SLIT2: variants seen among roughly 807,000 people sequenced by gnomAD.
The protein encoded by SLIT2 is slit homolog 2 protein.
In SLIT2, 41 loss-of-function variants were observed where a neutral mutation model predicts 185.7. That is an observed-to-expected ratio of 0.22 (90% CI 0.17 to 0.29). The LOEUF (loss-of-function observed/expected upper bound fraction) is 0.29. SLIT2 is among the 10% of genes least tolerant of loss of function. The pLI is 1.00. For synonymous variants in SLIT2, 693 were observed against 680.2 expected, an observed-to-expected ratio of 1.02 and a Z score of -0.29; for missense variants, 1,571 against 1,909.0, an observed-to-expected ratio of 0.82 and a Z score of 3.30.
At chr4:20,436,716 C>A (rs915892920) in intron 4 of SLIT2, among the ~76,000 whole-genome samples, 4 of 152,200 alleles carry the variant, frequency 2.6e-5, no homozygotes, top group African/African-American at 9.6e-5. Context: ...TAGTTGATGA[C>A]TGCTTTCAAG....
intron 4 of SLIT2, among the ~76,000 whole-genome samples, chr4:20,432,423 G>A (rs1729064540): frequency 6.6e-6 from 1 of 151,956 alleles, no homozygotes; most frequent in Non-Finnish European, 1.5e-5. Flanking sequence ...GTCAGAAAAT[G>A]TGTGGGAAAT....
chr4:20,530,047 G>C (rs973988864), intron 16 of SLIT2, among the ~76,000 whole-genome samples: 3 of 151,460 alleles, frequency 2.0e-5, no homozygotes, highest in Non-Finnish European at 4.4e-5. Flanking sequence ...TAAAAATAAA[G>C]TAATGCCTTT....
chr4:20,422,855 G>A (rs1728268748), intron 4 of SLIT2, among the ~76,000 whole-genome samples: 2 of 151,784 alleles, frequency 1.3e-5, no homozygotes, highest in African/African-American at 4.8e-5. Context: ...TGAAGTGGAT[G>A]TGCAGAATAC....
intron 4 of SLIT2, among the ~76,000 whole-genome samples, chr4:20,438,130 A>G (rs1007558163): frequency 5.9e-5 from 9 of 151,990 alleles, no homozygotes; most frequent in African/African-American, 1.9e-4. Flanking sequence ...TCTACTTCCA[A>G]TTTACCTCCC....
chr4:20,607,922 A>G (rs1396995393), intron 33 of SLIT2, among the ~76,000 whole-genome samples: 1 of 152,114 alleles, frequency 6.6e-6, no homozygotes, highest in African/African-American at 2.4e-5. Flanking sequence ...TCTTTATTTT[A>G]ATGTTTTACT....
At chr4:20,376,049 CAT>C (rs1723989627) in intron 4 of SLIT2, among the ~76,000 whole-genome samples, 1 of 140,432 alleles carries the variant, frequency 7.1e-6, no homozygotes, top group African/African-American at 2.6e-5. Flanking sequence ...ACATAAATAA[CAT>C]ATCTATAAAA....
chr4:20,266,929 G>A (rs1342913174), intron 3 of SLIT2, among the ~76,000 whole-genome samples: 2 of 151,944 alleles, frequency 1.3e-5, no homozygotes, highest in Non-Finnish European at 2.9e-5. Flanking sequence ...GGGCCCAGGG[G>A]CTTGCCGAGA....
At chr4:20,600,344 T>C (rs1382377093) in intron 33 of SLIT2, among the ~76,000 whole-genome samples, 3 of 152,032 alleles carry the variant, frequency 2.0e-5, no homozygotes, top group Non-Finnish European at 4.4e-5. Context: ...GAGTTTATGT[T>C]CATTGCCATT....
intron 26 of SLIT2, among the ~76,000 whole-genome samples, chr4:20,556,131 T>C (rs1724229598): frequency 6.6e-6 from 1 of 152,044 alleles, no homozygotes; most frequent in South Asian, 2.1e-4. Flanking sequence ...TGTGCATTGA[T>C]TGCAAGAATT....
intron 21 of SLIT2, 117 bp from the exon 22 acceptor site, chr4:20,545,914 T>A (rs780438553): frequency 3.4e-4 from 164 of 481,834 alleles, no homozygotes; most frequent in Admixed American, 4.5e-4. Context: ...CACGACATCT[T>A]AAAGCAAAAA....
At chr4:20,280,502 GAGGGA>G (rs1428506911) in intron 4 of SLIT2, among the ~76,000 whole-genome samples, 19 of 152,204 alleles carry the variant, frequency 1.2e-4, no homozygotes, top group Admixed American at 1.2e-3. Context: ...TCAGATAAGA[GAGGGA>G]CCTTGCCCAA....
At chr4:20,562,490 C>T (rs1021222996) in intron 26 of SLIT2, among the ~76,000 whole-genome samples, 4 of 151,818 alleles carry the variant, frequency 2.6e-5, no homozygotes, top group African/African-American at 9.7e-5. Context: ...AACACATATT[C>T]TAAGACATGC....
rs1008555507 is a variant in SLIT2, at chr4:20,553,955, A to C, written c.2712A>C (p.Lys904Asn). The change falls in exon 26 of 37, where the codon AAA becomes AAC. Residue 904 changes from lysine (K) to asparagine (N), a missense_variant. Transcript: ENST00000504154. ...TTTTACTCACAACTCCCTCCAAAAA[A>C]TTTACCTGTCAAGGTATGGTTTTTA... ...DKLLLTTPSK[K>N]FTCQGPVDVN... The C allele has an allele frequency of 6.3e-7, 1 of 1,598,524 alleles. No homozygotes were observed. Among genetic ancestry groups the C allele is most frequent in the Non-Finnish European group, 8.5e-7 (1 of 1,175,394 alleles).
At chr4:20,557,030 G>T (rs1724320256) in intron 26 of SLIT2, among the ~76,000 whole-genome samples, 1 of 151,990 alleles carries the variant, frequency 6.6e-6, no homozygotes, top group African/African-American at 2.4e-5. Context: ...TTTTATGAAG[G>T]CTCAGAGAAG....
intron 31 of SLIT2, 148 bp downstream of exon 31, chr4:20,595,982 G>T (rs1050396746): frequency 6.0e-6 from 4 of 665,798 alleles, no homozygotes; most frequent in Admixed American, 3.1e-5. Flanking sequence ...TACTTGAGGG[G>T]ATGGATACCC....
At chr4:20,258,057 G>T (rs542788390) in intron 3 of SLIT2, 118 bp downstream of exon 3, 2 of 561,938 alleles carry the variant, frequency 3.6e-6, no homozygotes, top group African/African-American at 1.9e-5. Flanking sequence ...GCAGAAAAAG[G>T]AGGATGAATG....
At chr4:20,605,685 G>A (rs1448540823) in intron 33 of SLIT2, among the ~76,000 whole-genome samples, 1 of 148,710 alleles carries the variant, frequency 6.7e-6, no homozygotes, top group Non-Finnish European at 1.5e-5. Context: ...CAACTGATGT[G>A]TCGATCACTG....
intron 9 of SLIT2, among the ~76,000 whole-genome samples, chr4:20,501,358 T>TG (rs1718713960): frequency 2.6e-5 from 4 of 152,108 alleles, no homozygotes; most frequent in Non-Finnish European, 5.9e-5. Context: ...TGATCTCGGC[T>TG]CACTGCAACC....
In SLIT2 at chr4:20,358,886, C is replaced by G. The variant is rs571380900; in HGVS notation, c.395+90005C>G. On this transcript the variant is annotated intron_variant, in intron 4 of 36. Transcript: ENST00000504154. ...AGTGTCCTGAAGAATAATATATTCACTGTGTGAAACAACAACAACATCAAC... is the reference window on the plus strand; with the variant it reads ...AGTGTCCTGAAGAATAATATATTCAGTGTGTGAAACAACAACAACATCAAC... Among the ~76,000 whole-genome samples the G allele has an allele frequency of 2.0e-5, 3 of 152,228 alleles. No homozygotes were observed. In the East Asian group the frequency reaches 5.8e-4, roughly 29 times the overall value.
Sources: gnomAD v4.1 joint callset for allele counts (sites outside exome capture counted in the v4.1 genomes callset) on GRCh38, gnomAD v4.1.1 for gene constraint, MANE v1.5 for transcripts, NCBI Gene and HGNC (gene_info 2026-07-23, HGNC 2026-07-21) for gene names.